The following PCDH9 variants were observed in gnomAD, a reference collection of about 807,000 sequenced individuals.
PCDH9 encodes protocadherin-9.
A neutral mutation model predicts 70.6 loss-of-function variants in PCDH9; 24 were observed. The observed-to-expected ratio is 0.34, with a 90% CI of 0.25 to 0.48. The LOEUF is 0.48. Ranked by LOEUF, PCDH9 falls within the 20% of genes least tolerant of loss-of-function variation. The pLI is 0.99. For synonymous variants in PCDH9, 562 were observed against 558.5 expected, an observed-to-expected ratio of 1.01 and a Z score of -0.09; for missense variants, 1,281 against 1,503.6, an observed-to-expected ratio of 0.85 and a Z score of 2.45.
At chr13:66,855,389 A>T (rs987149819) in intron 3 of PCDH9, among the ~76,000 whole-genome samples, 1 of 152,042 alleles carries the variant, frequency 6.6e-6, no homozygotes, top group African/African-American at 2.4e-5. Context: ...GTCTTGATTG[A>T]TTGTTTCCTT....
At chr13:66,713,183 G>A (rs2078818678) in intron 3 of PCDH9, among the ~76,000 whole-genome samples, 1 of 151,968 alleles carries the variant, frequency 6.6e-6, no homozygotes, top group Non-Finnish European at 1.5e-5. Context: ...CAGAAAGGCA[G>A]GTACAGACAT....
At chr13:67,075,945 G>A (rs1168002561) in intron 2 of PCDH9, among the ~76,000 whole-genome samples, 1 of 152,026 alleles carries the variant, frequency 6.6e-6, no homozygotes. Flanking sequence ...TGGGAAAAAC[G>A]TGGCAAAAAT....
intron 4 of PCDH9, among the ~76,000 whole-genome samples, chr13:66,431,676 T>TA (rs1462373401): frequency 1.3e-5 from 2 of 152,118 alleles, no homozygotes; most frequent in African/African-American, 4.8e-5. Flanking sequence ...AAAGTAGGCA[T>TA]AAAGATCTTT....
intron 4 of PCDH9, among the ~76,000 whole-genome samples, chr13:66,542,057 T>C (rs1389422797): frequency 1.3e-5 from 2 of 152,142 alleles, no homozygotes; most frequent in Non-Finnish European, 2.9e-5. Flanking sequence ...GGAAAAGCCT[T>C]GGGAGATCTG....
chr13:66,832,786 A>T (rs2080951400), intron 3 of PCDH9, among the ~76,000 whole-genome samples: 1 of 152,190 alleles, frequency 6.6e-6, no homozygotes, highest in African/African-American at 2.4e-5. Flanking sequence ...CTTAAATCAG[A>T]TGATTAACAA....
At chr13:66,723,525 T>C (rs1034679627) in intron 3 of PCDH9, among the ~76,000 whole-genome samples, 1 of 152,152 alleles carries the variant, frequency 6.6e-6, no homozygotes, top group African/African-American at 2.4e-5. Flanking sequence ...AAAATTCAAT[T>C]GCAAATAAAG....
At chr13:66,791,677 T>A (rs945419459) in intron 3 of PCDH9, among the ~76,000 whole-genome samples, 2 of 152,156 alleles carry the variant, frequency 1.3e-5, no homozygotes, top group Non-Finnish European at 2.9e-5. Context: ...TATGTATGTA[T>A]TATGTAAATT....
chr13:66,542,450 C>G (rs755800451), intron 4 of PCDH9, among the ~76,000 whole-genome samples: 1 of 151,770 alleles, frequency 6.6e-6, no homozygotes, highest in African/African-American at 2.4e-5. Flanking sequence ...CTTGTCCAAT[C>G]AGTCGAGGGC....
intron 4 of PCDH9, among the ~76,000 whole-genome samples, chr13:66,338,518 A>G (rs1169024573): frequency 6.6e-6 from 1 of 152,108 alleles, no homozygotes; most frequent in African/African-American, 2.4e-5. Context: ...ATAATGATTT[A>G]CTTTATAAAT....
chr13:67,067,189 G>A (rs936060368), intron 2 of PCDH9, among the ~76,000 whole-genome samples: 12 of 152,044 alleles, frequency 7.9e-5, no homozygotes, highest in Non-Finnish European at 1.5e-4. Context: ...TGTGGGAGAA[G>A]GTGTCTGTGT....
intron 4 of PCDH9, among the ~76,000 whole-genome samples, chr13:66,447,144 G>A (rs1436479138): frequency 6.6e-6 from 1 of 151,952 alleles, no homozygotes; most frequent in Non-Finnish European, 1.5e-5. Flanking sequence ...GAAATATTTA[G>A]TAAATTTTAT....
At chr13:66,370,513 ATTT>A (rs34902558) in intron 4 of PCDH9, among the ~76,000 whole-genome samples, 6 of 129,332 alleles carry the variant, frequency 4.6e-5, no homozygotes, top group Non-Finnish European at 8.4e-5. Flanking sequence ...TTATGTATTC[ATTT>A]TTTTTTTTTT....
At chr13:66,797,903 C>T (rs2080269222) in intron 3 of PCDH9, among the ~76,000 whole-genome samples, 1 of 151,502 alleles carries the variant, frequency 6.6e-6, no homozygotes, top group African/African-American at 2.4e-5. Context: ...ACATGGTGTC[C>T]TCAGGTCATA....
chr13:67,170,243 T>C (rs2088242067), intron 2 of PCDH9, among the ~76,000 whole-genome samples: 1 of 152,222 alleles, frequency 6.6e-6, no homozygotes, highest in Non-Finnish European at 1.5e-5. Context: ...ACTTATATGG[T>C]CATGTATGCC....
At chr13:66,616,484 C>CTTTTTTTTTTTT (rs60587237) in intron 4 of PCDH9, among the ~76,000 whole-genome samples, 5 of 116,686 alleles carry the variant, frequency 4.3e-5, no homozygotes, top group Non-Finnish European at 6.7e-5. Context: ...TTCTAAAATT[C>CTTTTTTTTTTTT]TTTTTTTTTT....
chr13:66,895,822 C>A (rs1837940891), intron 3 of PCDH9, among the ~76,000 whole-genome samples: 1 of 152,200 alleles, frequency 6.6e-6, no homozygotes, highest in Non-Finnish European at 1.5e-5. Context: ...TCTTTAGGAT[C>A]CTTCAGTGGA....
intron 4 of PCDH9, among the ~76,000 whole-genome samples, chr13:66,376,565 T>C (rs1956750677): frequency 6.6e-6 from 1 of 152,050 alleles, no homozygotes. Context: ...TGCTTTCTTT[T>C]AAAAGGCAAA....
chr13:66,867,435 G>T (rs2081596413), intron 3 of PCDH9, among the ~76,000 whole-genome samples: 1 of 152,070 alleles, frequency 6.6e-6, no homozygotes, highest in African/African-American at 2.4e-5. Context: ...TAGGGAGGCT[G>T]CAGTGTGTGA....
chr13:66,956,947 A>T (rs1168256207), intron 2 of PCDH9, among the ~76,000 whole-genome samples: 1 of 152,140 alleles, frequency 6.6e-6, no homozygotes, highest in Non-Finnish European at 1.5e-5. Flanking sequence ...CCTGGCTTCC[A>T]AGTTGGTTTA....
Sources: allele counts gnomAD v4.1 joint callset (sites outside exome capture counted in the v4.1 genomes callset), GRCh38; gene constraint gnomAD v4.1.1; transcripts MANE v1.5; gene names NCBI Gene and HGNC (gene_info 2026-07-23, HGNC 2026-07-21).